Variants in HPCAL1 observed in about 807,000 individuals in gnomAD.
The protein encoded by HPCAL1 is hippocalcin-like protein 1.
Under a neutral mutation model 17.1 loss-of-function variants are expected in HPCAL1, and 8 were observed. The observed-to-expected ratio is 0.47, with a 90% CI of 0.27 to 0.84. The LOEUF is 0.84. Ranked by LOEUF, HPCAL1 falls within the 40% of genes least tolerant of loss-of-function variation. HPCAL1 has a pLI of 0.13. For missense variants in HPCAL1, 165 were observed against 271.1 expected (o/e 0.61, Z 2.75); for synonymous variants, 112 against 111.4 (o/e 1.01, Z -0.03).
intron 1 of HPCAL1, among the ~76,000 whole-genome samples, chr2:10,369,573 A>G (rs1667081785): frequency 6.6e-6 from 1 of 152,212 alleles, no homozygotes; most frequent in Non-Finnish European, 1.5e-5. Flanking sequence ...CACCTGTCCC[A>G]GGCAGGAGCA....
rs911674396 is a variant in HPCAL1 at position 10,395,160 on chromosome 2, T to A, written c.-110-1675T>A. On this transcript the variant is annotated intron_variant, in intron 1 of 4. Transcript: ENST00000307845. The surrounding 1 kb of genome is among the most constrained non-coding windows in gnomAD (Gnocchi z 4.4). The stretch of plus-strand genomic sequence containing the variant: ...CACACACACACACACACACACACAC[T>A]GCTATCTTAAAAGCATAGGGACCTT... Among the ~76,000 whole-genome samples the A allele has an allele frequency of 1.8e-5, 2 of 112,702 alleles. No individual in the cohort carries two copies. Among genetic ancestry groups the A allele is most frequent in the African/African-American group, 6.6e-5 (2 of 30,086 alleles). 73.9% of individuals were successfully genotyped at this position (112,702 alleles called of 152,430 possible). A position where few individuals can be genotyped will look rare whatever the true frequency, so the allele number is the denominator to read the frequency against.
intron 1 of HPCAL1, among the ~76,000 whole-genome samples, chr2:10,357,822 ACTT>A (rs1159061100): frequency 7.2e-6 from 1 of 138,416 alleles, no homozygotes; most frequent in Non-Finnish European, 1.6e-5. Context: ...AGCAGCAGTG[ACTT>A]CTTTAGGCAG....
chr2:10,308,803 C>T (rs1662780470), intron 1 of HPCAL1, among the ~76,000 whole-genome samples: 1 of 152,190 alleles, frequency 6.6e-6, no homozygotes. Flanking sequence ...ATTGATGTGT[C>T]AGGTGATGTG....
chr2:10,366,660 C>G (rs1409358197), intron 1 of HPCAL1, among the ~76,000 whole-genome samples: 1 of 152,198 alleles, frequency 6.6e-6, no homozygotes, highest in South Asian at 2.1e-4. Context: ...TGGCCATGAT[C>G]CGACTCCCGC....
rs970447749 is a variant in HPCAL1 at position 10,331,393 on chromosome 2, G to A, written c.-111+28216G>A. Reference sequence around the variant, plus strand: ...TTCCTCCTGTCTCCCCGGGGAGCTCGGAGTTCTGCAGGCACGGGGCTGGCT... The same window carrying A: ...TTCCTCCTGTCTCCCCGGGGAGCTCAGAGTTCTGCAGGCACGGGGCTGGCT... On this transcript the variant is annotated intron_variant, in intron 1 of 4. Transcript: ENST00000307845. The surrounding 1 kb of genome is among the most constrained non-coding windows in gnomAD (Gnocchi z 5.0). Among the ~76,000 whole-genome samples, 7 of 152,160 alleles carry A rather than the reference G, an allele frequency of 4.6e-5. No homozygotes were observed. Among genetic ancestry groups the A allele is most frequent in the African/African-American group, 1.7e-4 (7 of 41,438 alleles).
intron 1 of HPCAL1, among the ~76,000 whole-genome samples, chr2:10,369,951 C>G (rs2125508132): frequency 6.6e-6 from 1 of 152,356 alleles, no homozygotes; most frequent in East Asian, 1.9e-4. Context: ...ACAACTTTCT[C>G]CTTCTATACT....
intron 1 of HPCAL1, among the ~76,000 whole-genome samples, chr2:10,361,859 G>A (rs547398327): frequency 4.6e-5 from 7 of 152,112 alleles, no homozygotes; most frequent in Admixed American, 4.6e-4. Context: ...TGGGATTATA[G>A]GCGCCCGCCA....
chr2:10,335,140 C>A (rs186589074), intron 1 of HPCAL1, among the ~76,000 whole-genome samples: 1 of 152,354 alleles, frequency 6.6e-6, no homozygotes, highest in East Asian at 1.9e-4. Context: ...GGTCTTCACA[C>A]CCTTGTGTAA....
In HPCAL1 at chr2:10,304,600, C is replaced by G. The variant is rs921098055; in HGVS notation, c.-111+1423C>G. On this transcript the variant is annotated intron_variant, in intron 1 of 4. Coordinates refer to ENST00000307845, the MANE Select transcript of HPCAL1 (RefSeq NM_002149.4). This position sits in a 1 kb window ranked among gnomAD's most constrained non-coding sequence, Gnocchi z 4.1. ...TAATTTAAAACATTTACTTTTGAAA[C>G]CTACTAGTCGTAAAATTGAACCGCA... Among the ~76,000 whole-genome samples the G allele has an allele frequency of 5.9e-5, 9 of 152,216 alleles. No individual in the cohort carries two copies. The highest frequency in any genetic ancestry group is 1.3e-4 in the Non-Finnish European group (9 of 68,038).
rs1253273324 is a variant in HPCAL1 at position 10,359,918 on chromosome 2, C to T, written c.-110-36917C>T. Among the ~76,000 whole-genome samples the T allele has an allele frequency of 2.0e-5, 3 of 150,292 alleles. No individual in the cohort carries two copies. The highest frequency in any genetic ancestry group is 4.4e-5 in the Non-Finnish European group (3 of 67,838). On this transcript the variant is annotated intron_variant, in intron 1 of 4. Transcript: ENST00000307845. This position sits in a 1 kb window ranked among gnomAD's most constrained non-coding sequence, Gnocchi z 4.1. ...CAGTGCCCGCCGGGTCCACAGCGCC[C>T]GCCGGGTCCACAGCGCCCGCCGGGT...
At chr2:10,337,753 C>A (rs898472155) in intron 1 of HPCAL1, among the ~76,000 whole-genome samples, 1 of 152,210 alleles carries the variant, frequency 6.6e-6, no homozygotes. Context: ...CCCCTTCCTT[C>A]CCACCTTCCC....
chr2:10,314,983 C>T (rs1663213119), intron 1 of HPCAL1, among the ~76,000 whole-genome samples: 1 of 152,044 alleles, frequency 6.6e-6, no homozygotes, highest in Non-Finnish European at 1.5e-5. Flanking sequence ...AAATGTGGGG[C>T]TAGGAAGCAA....
chr2:10,303,386 G>C (rs1436755565), intron 1 of HPCAL1, among the ~76,000 whole-genome samples: 1 of 152,202 alleles, frequency 6.6e-6, no homozygotes. Flanking sequence ...GCGTGTACTC[G>C]TGGGCATCCA....
At chr2:10,389,197 T>G (rs1257713293) in intron 1 of HPCAL1, among the ~76,000 whole-genome samples, 2 of 152,102 alleles carry the variant, frequency 1.3e-5, no homozygotes, top group Non-Finnish European at 2.9e-5. Flanking sequence ...GACCTGGAAA[T>G]TACCACCCTT....
In HPCAL1 at chr2:10,355,450, C is replaced by CAAAAAA. The variant is rs34600690; in HGVS notation, c.-110-41358_-110-41353dup. Among the ~76,000 whole-genome samples, 36 of 32,210 alleles carry CAAAAAA rather than the reference C, an allele frequency of 1.1e-3. 1 individual carries two copies. The highest frequency in any genetic ancestry group is 3.4e-3 in the African/African-American group (24 of 6,990). 21.1% of individuals were successfully genotyped at this position (32,210 alleles called of 152,430 possible). A position where few individuals can be genotyped will look rare whatever the true frequency, so the allele number is the denominator to read the frequency against. On this transcript the variant is annotated intron_variant, in intron 1 of 4. Coordinates refer to ENST00000307845, the MANE Select transcript of HPCAL1 (RefSeq NM_002149.4). Reference sequence around the variant, plus strand: ...TGGGCGACAGAGCGAGACTCCGTCTCAAAAAAAAAAAAAAAAAAAAAAAAA... The same window carrying CAAAAAA: ...TGGGCGACAGAGCGAGACTCCGTCTCAAAAAAAAAAAAAAAAAAAAAAAAAAAAAAA...
chr2:10,391,757 T>G (rs936250654), intron 1 of HPCAL1, among the ~76,000 whole-genome samples: 11 of 152,364 alleles, frequency 7.2e-5, no homozygotes, highest in African/African-American at 2.6e-4. Context: ...GGGGTCTTGT[T>G]GCTGTTTTTG....
rs574805411 is a variant in HPCAL1, at chr2:10,426,916, C to T, written c.*95C>T. ...TGGATGCCCCGCAATCGTTCCTGCT[C>T]TCCCGGGCCCCGGGCCTGGGGCATG... On this transcript the variant is annotated 3_prime_UTR_variant, in exon 5 of 5. Transcript: ENST00000307845. 4 of 1,223,432 alleles carry T rather than the reference C, an allele frequency of 3.3e-6. No homozygotes were observed. Among genetic ancestry groups the T allele is most frequent in the East Asian group, 2.4e-5 (1 of 41,792 alleles). 75.8% of individuals were successfully genotyped at this position (1,223,432 alleles called of 1,614,324 possible). A position where few individuals can be genotyped will look rare whatever the true frequency, so the allele number is the denominator to read the frequency against.
intron 1 of HPCAL1, among the ~76,000 whole-genome samples, chr2:10,357,603 A>T (rs1376742996): frequency 6.6e-6 from 1 of 152,158 alleles, no homozygotes; most frequent in Non-Finnish European, 1.5e-5. Flanking sequence ...CATCTTTATT[A>T]GATCCCTCCA....
At chr2:10,400,780 C>T (rs866210588) in intron 2 of HPCAL1, among the ~76,000 whole-genome samples, 5 of 151,926 alleles carry the variant, frequency 3.3e-5, no homozygotes, top group Non-Finnish European at 2.9e-5. Flanking sequence ...CATACACACA[C>T]GCACACACAT....
Sources: gnomAD v4.1 joint callset for allele counts (sites outside exome capture counted in the v4.1 genomes callset) on GRCh38, gnomAD v4.1.1 for gene constraint, Gnocchi (gnomAD v3.1) non-coding constraint, MANE v1.5 for transcripts, NCBI Gene and HGNC (gene_info 2026-07-23, HGNC 2026-07-21) for gene names.